The following GRM1 variants were observed in gnomAD, a reference collection of about 807,000 sequenced individuals.
GRM1 encodes metabotropic glutamate receptor 1.
A neutral mutation model predicts 90.9 loss-of-function variants in GRM1; 33 were observed. The observed-to-expected ratio is 0.36, with a 90% confidence interval of 0.28 to 0.49. GRM1 has a LOEUF of 0.49. Ranked by LOEUF, GRM1 falls within the 20% of genes least tolerant of loss-of-function variation. GRM1 has a pLI of 0.99. For missense variants in GRM1, 1,190 were observed against 1,534.3 expected, an observed-to-expected ratio of 0.78 and a Z score of 3.75; for synonymous variants, 700 against 613.2, an observed-to-expected ratio of 1.14 and a Z score of -2.09.
intron 2 of GRM1, among the ~76,000 whole-genome samples, chr6:146,215,761 T>A (rs1018238746): frequency 5.3e-5 from 8 of 150,244 alleles, no homozygotes; most frequent in African/African-American, 2.0e-4. Flanking sequence ...CCACAAACTT[T>A]TTTTTTTTTT....
intron 1 of GRM1, among the ~76,000 whole-genome samples, chr6:146,068,442 T>C (rs1412648683): frequency 6.6e-6 from 1 of 152,170 alleles, no homozygotes; most frequent in Non-Finnish European, 1.5e-5. Flanking sequence ...ACTTTGTCAT[T>C]GTGTTAAATT....
chr6:146,350,748 T>A (rs1014809421), intron 3 of GRM1, among the ~76,000 whole-genome samples: 20 of 152,216 alleles, frequency 1.3e-4, no homozygotes, highest in African/African-American at 4.6e-4. Context: ...TTTCTATACT[T>A]ATTTTGTGTG....
chr6:146,381,885 T>C (rs1210587721), intron 5 of GRM1, among the ~76,000 whole-genome samples: 6 of 152,200 alleles, frequency 3.9e-5, no homozygotes, highest in Non-Finnish European at 5.9e-5. Flanking sequence ...AAAATTTTAA[T>C]TTAAACAAAT....
Position 146,362,547 on chromosome 6 carries a change from C to T in GRM1, c.1602+4853C>T, listed in dbSNP as rs1775523302. Among the ~76,000 whole-genome samples the T allele has an allele frequency of 2.0e-5, 3 of 148,828 alleles. No individual in the cohort carries two copies. In the South Asian group the frequency reaches 6.3e-4, roughly 31 times the overall value. ...ACAAAAAGTTAGCCAGGTGTGGTGG[C>T]AGGCGCCTGTAATCACAGCTACTCA... On this transcript the variant is annotated intron_variant, in intron 5 of 7. Coordinates refer to ENST00000282753, the MANE Select transcript of GRM1 (RefSeq NM_001278064.2).
At chr6:146,351,356 T>C (rs903159499) in intron 3 of GRM1, among the ~76,000 whole-genome samples, 6 of 152,216 alleles carry the variant, frequency 3.9e-5, no homozygotes, top group African/African-American at 1.4e-4. Flanking sequence ...CTAAAGTCTC[T>C]GAATTATGCC....
Position 146,434,905 on chromosome 6 carries a change from A to G in GRM1, c.*109A>G. The G allele has an allele frequency of 1.1e-6, 1 of 941,642 alleles. No individual in the cohort carries two copies. The highest frequency in any genetic ancestry group is 1.3e-5 in the South Asian group (1 of 74,470). The allele number at this position is 941,642 out of a possible 1,614,324, so 58.3% of individuals were successfully genotyped here. A position where few individuals can be genotyped will look rare whatever the true frequency, so the allele number is the denominator to read the frequency against. Reference sequence around the variant, plus strand: ...CCTGGGAGTGGGGGGCCTCGTCGGGAGGACAGGAGACCGCTGCTGCTGCTG... The same window carrying G: ...CCTGGGAGTGGGGGGCCTCGTCGGGGGGACAGGAGACCGCTGCTGCTGCTG... On this transcript the variant is annotated 3_prime_UTR_variant, in exon 8 of 8. Coordinates refer to ENST00000282753, the MANE Select transcript of GRM1 (RefSeq NM_001278064.2).
At chr6:146,070,698 C>G (rs1775991194) in intron 1 of GRM1, among the ~76,000 whole-genome samples, 1 of 152,166 alleles carries the variant, frequency 6.6e-6, no homozygotes, top group African/African-American at 2.4e-5. Flanking sequence ...GACTTAAATA[C>G]ATTTGGTTAG....
At chr6:146,298,072 A>G (rs147200224) in intron 2 of GRM1, among the ~76,000 whole-genome samples, 36 of 152,294 alleles carry the variant, frequency 2.4e-4, no homozygotes, top group African/African-American at 5.5e-4. Context: ...GCCAGGCATG[A>G]TTGCCAAGAA....
At chr6:146,381,913 A>G (rs1776332263) in intron 5 of GRM1, among the ~76,000 whole-genome samples, 1 of 152,180 alleles carries the variant, frequency 6.6e-6, no homozygotes. Flanking sequence ...CGGTTGCTTC[A>G]GAAATGTAGT....
chr6:146,249,519 G>A (rs961376406), intron 2 of GRM1, among the ~76,000 whole-genome samples: 5 of 152,138 alleles, frequency 3.3e-5, no homozygotes, highest in Non-Finnish European at 7.3e-5. Context: ...TGGGCCTATG[G>A]GTGCACAGAA....
At chr6:146,213,816 G>A (rs911247897) in intron 2 of GRM1, among the ~76,000 whole-genome samples, 2 of 152,088 alleles carry the variant, frequency 1.3e-5, no homozygotes, top group African/African-American at 4.8e-5. Flanking sequence ...CTGTCTGCAA[G>A]CTAGAGACCC....
intron 1 of GRM1, among the ~76,000 whole-genome samples, chr6:146,058,550 G>A (rs1023618672): frequency 2.0e-5 from 3 of 152,104 alleles, no homozygotes; most frequent in African/African-American, 7.2e-5. Context: ...TGACTAATCA[G>A]GGTGGTTGTT....
Position 146,434,725 on chromosome 6 carries a change from T to C in GRM1, c.3514T>C (p.Cys1172Arg), listed in dbSNP as rs757080237. The C allele has an allele frequency of 6.2e-7, 1 of 1,601,552 alleles. No homozygotes were observed. Among genetic ancestry groups the C allele is most frequent in the South Asian group, 1.1e-5 (1 of 91,080 alleles). ...PSSPVSESVL[C>R]TPPNVSYASV... ...CTCCCCCGTGTCCGAGTCGGTGCTC[T>C]GCACCCCTCCCAACGTATCCTACGC... Residue 1172 changes from cysteine (C) to arginine (R), a missense_variant, in exon 8 of 8, where the codon TGC (cysteine) becomes CGC (arginine). Physicochemically the swap from Cys to Arg is radical, Grantham distance 180 (BLOSUM62 -3). This residue lies in a region of GRM1 where 48 missense variants were observed against 48.5 expected (regional missense o/e 0.99). Transcript: ENST00000282753.
chr6:146,078,047 T>C (rs1266435072), intron 1 of GRM1, among the ~76,000 whole-genome samples: 1 of 152,222 alleles, frequency 6.6e-6, no homozygotes, highest in East Asian at 1.9e-4. Context: ...AAGCAGATGT[T>C]AGCTTAGTTG....
chr6:146,200,555 C>A (rs1319625685), intron 2 of GRM1, among the ~76,000 whole-genome samples: 1 of 152,122 alleles, frequency 6.6e-6, no homozygotes, highest in Non-Finnish European at 1.5e-5. Context: ...TGCATATATT[C>A]TTTGTCTTCT....
At chr6:146,264,392 A>G (rs1781802613) in intron 2 of GRM1, among the ~76,000 whole-genome samples, 1 of 152,192 alleles carries the variant, frequency 6.6e-6, no homozygotes, top group African/African-American at 2.4e-5. Flanking sequence ...CAATAAAAAC[A>G]TGACAGTAAG....
At chr6:146,035,778 T>C (rs1790868510) in intron 1 of GRM1, among the ~76,000 whole-genome samples, 1 of 152,042 alleles carries the variant, frequency 6.6e-6, no homozygotes, top group Admixed American at 6.6e-5. Context: ...ATTTTTATCT[T>C]TATTTTTTCT....
At chr6:146,247,106 C>G (rs1056169276) in intron 2 of GRM1, among the ~76,000 whole-genome samples, 1 of 152,218 alleles carries the variant, frequency 6.6e-6, no homozygotes, top group Non-Finnish European at 1.5e-5. Context: ...AGGCCAGTTT[C>G]TCTTCTTCTT....
At chr6:146,213,729 T>TAGATAGATAGAGAGATAGAG (rs1554281931) in intron 2 of GRM1, among the ~76,000 whole-genome samples, 89 of 151,916 alleles carry the variant, frequency 5.9e-4, no homozygotes, top group African/African-American at 1.9e-3. Context: ...GATAGATAGA[T>TAGATAGATAGAGAGATAGAG]AGATAGATGG....
Sources: gnomAD v4.1 joint callset for allele counts (sites outside exome capture counted in the v4.1 genomes callset) on GRCh38, gnomAD v4.1.1 for gene constraint, gnomAD v4.1.1 regional missense constraint, MANE v1.5 for transcripts, NCBI Gene and HGNC (gene_info 2026-07-23, HGNC 2026-07-21) for gene names.